OPN4: variants seen among roughly 807,000 people sequenced by gnomAD.
OPN4 encodes the protein opsin 4, also known as melanopsin.
A neutral mutation model predicts 49.5 loss-of-function variants in OPN4; 43 were observed. That is an observed-to-expected ratio of 0.87 (90% CI 0.68 to 1.12). The LOEUF (loss-of-function observed/expected upper bound fraction) is 1.12, where lower values mean the gene tolerates loss of function less well. OPN4 is among the 50% of genes most tolerant of loss of function. OPN4 has a pLI of 0.00. For missense variants in OPN4, 657 were observed against 643.9 expected, an observed-to-expected ratio of 1.02 and a Z score of -0.22; for synonymous variants, 263 against 258.0, an observed-to-expected ratio of 1.02 and a Z score of -0.19.
Position 86,661,408 on chromosome 10 carries a change from C to T in OPN4, c.1073+20C>T. On this transcript the variant is annotated intron_variant, in intron 7 of 9. Coordinates refer to ENST00000241891, the MANE Select transcript of OPN4 (RefSeq NM_033282.4). Reference sequence around the variant, plus strand: ...GTACAGGTGTGGCTCTTTTCCAGAACCCCACACCTTGGCCTCCAAGGGCCT... The same window carrying T: ...GTACAGGTGTGGCTCTTTTCCAGAATCCCACACCTTGGCCTCCAAGGGCCT... The T allele has an allele frequency of 1.3e-6, 2 of 1,587,232 alleles. No homozygotes were observed. The highest frequency in any genetic ancestry group is 1.7e-5 in the Admixed American group (1 of 59,750).
At chr10:86,662,199 C>T in intron 7 of OPN4, 53 bp from the exon 8 acceptor site, 2 of 1,523,114 alleles carry the variant, frequency 1.3e-6, no homozygotes, top group South Asian at 1.2e-5. Flanking sequence ...CATCCCCTCC[C>T]CTGCATCTGT....
chr10:86,660,588 C>T (rs1037732302), intron 6 of OPN4, among the ~76,000 whole-genome samples: 1 of 152,100 alleles, frequency 6.6e-6, no homozygotes, highest in Non-Finnish European at 1.5e-5. Context: ...CCCCCAGGGC[C>T]CTACTGTGGG....
chr10:86,659,585 G>A, intron 5 of OPN4, 117 bp downstream of exon 5: 5 of 1,345,498 alleles, frequency 3.7e-6, no homozygotes, highest in Non-Finnish European at 5.0e-6. Context: ...GTGGGTGAAG[G>A]CAAGCTGAGC....
chr10:86,660,584 G>T (rs1452715366), intron 6 of OPN4, among the ~76,000 whole-genome samples: 2 of 152,174 alleles, frequency 1.3e-5, no homozygotes, highest in Non-Finnish European at 2.9e-5. Flanking sequence ...GGTCCCCCCA[G>T]GGCCCTACTG....
At chr10:86,663,895 T>G in intron 9 of OPN4, 93 bp downstream of exon 9, 1 of 1,430,690 alleles carries the variant, frequency 7.0e-7, no homozygotes, top group Non-Finnish European at 9.4e-7. Flanking sequence ...CTTGTTCTCA[T>G]GGGCAGGGGC....
intron 4 of OPN4, 137 bp downstream of exon 4, chr10:86,658,824 C>G: frequency 1.2e-6 from 1 of 800,536 alleles, no homozygotes; most frequent in Non-Finnish European, 2.0e-6. Flanking sequence ...GTGAGATGGA[C>G]ATTCAGGGGA....
chr10:86,662,346 C>A lies in OPN4; in HGVS notation c.1168C>A (p.Arg390Ser). 6.3e-7 allele frequency: 1 copy of A among 1,596,600 alleles called. No homozygotes were observed. The highest frequency in any genetic ancestry group is 8.5e-7 in the Non-Finnish European group (1 of 1,172,988). The change falls in exon 8 of 10, where the codon CGC becomes AGC. Residue 390 changes from arginine to serine, a missense_variant. Coordinates refer to ENST00000241891, the MANE Select transcript of OPN4 (RefSeq NM_033282.4). ...RPYPSYRSTH[R>S]STLTSHTSNL... Reference sequence around the variant, plus strand: ...CTACCCCAGCTACCGCTCCACCCACCGCTCCACGCTGACCAGCCACACCTC... The same window carrying A: ...CTACCCCAGCTACCGCTCCACCCACAGCTCCACGCTGACCAGCCACACCTC...
intron 1 of OPN4, 38 bp from the exon 2 acceptor site, chr10:86,656,117 C>T: frequency 1.9e-6 from 3 of 1,613,596 alleles, no homozygotes; most frequent in Non-Finnish European, 1.7e-6. Context: ...AGGTGACAAG[C>T]GATAACATGA....
At chr10:86,664,527 C>T (rs1233203568) in intron 9 of OPN4, among the ~76,000 whole-genome samples, 2 of 152,184 alleles carry the variant, frequency 1.3e-5, no homozygotes, top group African/African-American at 4.8e-5. Flanking sequence ...CCAAGCAGCC[C>T]TTCGCCCCAG....
rs146346144 is a variant in OPN4, at chr10:86,659,967, G to A, written c.873G>A (p.Glu291=). ...SLWQRQRLQS[E]CKMAKIMLLV... ...GGCAGCGGCAGCGGCTGCAGAGCGA[G>A]TGCAAGATGGCCAAGATCATGCTGC... Residue 291 remains glutamate (E), a synonymous_variant, in exon 6 of 10, where the codon GAG becomes GAA. Transcript: ENST00000241891. 5.0e-5 allele frequency: 80 copies of A among 1,614,130 alleles called. No homozygotes were observed. The African/African-American group carries it at 8.9e-4, about 18-fold the overall frequency.
rs1254038178 is a variant in OPN4, at chr10:86,662,449, C to T, written c.1254+17C>T. ...AGTGAGGTGGTAAGGATGCTGGGCC[C>T]TCACCAGCTTGCGCCTGGCCATCCC... On this transcript the variant is annotated intron_variant, in intron 8 of 9. Transcript: ENST00000241891. 1.3e-6 allele frequency: 2 copies of T among 1,540,210 alleles called. No homozygotes were observed. The highest frequency in any genetic ancestry group is 1.7e-6 in the Non-Finnish European group (2 of 1,145,922).
Position 86,662,271 on chromosome 10 carries a change from C to G in OPN4, c.1093C>G (p.Leu365Val), listed in dbSNP as rs34191521. ...PKYRVAIAQH[L>V]PCLGVLLGVS... ...CTGCAGGGTGGCCATTGCCCAGCAC[C>G]TGCCCTGCCTGGGGGTGCTGCTGGG... Residue 365 changes from leucine to valine, a missense_variant, in exon 8 of 10, where the codon CTG (leucine) becomes GTG (valine). By Grantham distance (32) the Leu-to-Val change is conservative. Coordinates refer to ENST00000241891, the MANE Select transcript of OPN4 (RefSeq NM_033282.4). The G allele has an allele frequency of 0.03, 48,565 of 1,609,434 alleles. 1,458 individuals are homozygous for G. Among genetic ancestry groups the G allele is most frequent in the Admixed American group, 0.16 (9,508 of 59,626 alleles).
Position 86,658,757 on chromosome 10 carries a change from G to A in OPN4, c.628+70G>A, listed in dbSNP as rs34329272. 3.3e-4 allele frequency: 516 copies of A among 1,550,412 alleles called. 3 individuals carry two copies. In the African/African-American group the frequency reaches 6.1e-3, roughly 18 times the overall value. ...GGGGCACATTCAAGGGGAAGTAGGT[G>A]GACTTGGGTCAGCCAGCTGGCGGGA... On this transcript the variant is annotated intron_variant, in intron 4 of 9. Transcript: ENST00000241891.
At chr10:86,662,697 C>T (rs1294106757) in intron 8 of OPN4, among the ~76,000 whole-genome samples, 1 of 152,262 alleles carries the variant, frequency 6.6e-6, no homozygotes, top group Admixed American at 6.5e-5. Flanking sequence ...GGTCTTCCAA[C>T]TCCAGGCCAT....
intron 2 of OPN4, 36 bp downstream of exon 2, chr10:86,656,336 G>T: frequency 1.3e-6 from 2 of 1,556,932 alleles, no homozygotes; most frequent in South Asian, 2.5e-5. Flanking sequence ...AGGGCACTGA[G>T]GGTGGCAGCC....
chr10:86,661,873 C>G (rs1464904629), intron 7 of OPN4, among the ~76,000 whole-genome samples: 1 of 152,134 alleles, frequency 6.6e-6, no homozygotes, highest in African/African-American at 2.4e-5. Flanking sequence ...AGTCACTCAC[C>G]ACCTTCCCAA....
At chr10:86,661,142 C>A in intron 6 of OPN4, 139 bp from the exon 7 acceptor site, 1 of 676,944 alleles carries the variant, frequency 1.5e-6, no homozygotes, top group Non-Finnish European at 2.6e-6. Flanking sequence ...CCTGGCACTG[C>A]CAATTCCTCC....
In OPN4 at chr10:86,662,302, C is replaced by T. The variant is rs1234308588; in HGVS notation, c.1124C>T (p.Ser375Leu). Residue 375 changes from serine to leucine, a missense_variant, in exon 8 of 10, where the codon TCA becomes TTA. Transcript: ENST00000241891. ...LPCLGVLLGV[S>L]RRHSRPYPSY... Reference sequence around the variant, plus strand: ...TGCCTGGGGGTGCTGCTGGGTGTATCACGCCGGCACAGTCGCCCCTACCCC... The same window carrying T: ...TGCCTGGGGGTGCTGCTGGGTGTATTACGCCGGCACAGTCGCCCCTACCCC... The T allele has an allele frequency of 1.2e-6, 2 of 1,608,650 alleles. No homozygotes were observed. The highest frequency in any genetic ancestry group is 1.7e-6 in the Non-Finnish European group (2 of 1,178,888).
Position 86,659,932 on chromosome 10 carries a change from G to A in OPN4, c.838G>A (p.Glu280Lys), listed in dbSNP as rs774680136. 12 of 1,614,072 alleles carry A rather than the reference G, an allele frequency of 7.4e-6. No homozygotes were observed. The highest frequency in any genetic ancestry group is 5.3e-5 in the African/African-American group (4 of 74,944). ...CTTCGGGGCCTGCAAGGGCAATGGC[G>A]AGTCCCTGTGGCAGCGGCAGCGGCT... ...QTFGACKGNG[E>K]SLWQRQRLQS... The change falls in exon 6 of 10, where the codon GAG (glutamate) becomes AAG (lysine). Residue 280 changes from glutamate (E) to lysine (K), a missense_variant. By Grantham distance (56) the Glu-to-Lys change is moderately conservative. Coordinates refer to ENST00000241891, the MANE Select transcript of OPN4 (RefSeq NM_033282.4).
Sources: allele counts gnomAD v4.1 joint callset (sites outside exome capture counted in the v4.1 genomes callset), GRCh38; gene constraint gnomAD v4.1.1; transcripts MANE v1.5; gene names NCBI Gene and HGNC (gene_info 2026-07-23, HGNC 2026-07-21).